ZNF726: variants seen among roughly 807,000 people sequenced by gnomAD.
ZNF726 encodes the protein zinc finger protein 92 pseudogene 3.
In ZNF726, 15 loss-of-function variants were observed where a neutral mutation model predicts 11.6. The observed-to-expected ratio is 1.29, with a 90% CI of 0.86 to 1.99. The LOEUF (loss-of-function observed/expected upper bound fraction) is 1.99. ZNF726 is among the 30% of genes most tolerant of loss of function. The pLI is 0.00. For synonymous variants in ZNF726, 295 were observed against 243.6 expected, an observed-to-expected ratio of 1.21 and a Z score of -1.96; for missense variants, 890 against 725.6, an observed-to-expected ratio of 1.23 and a Z score of -2.60.
chr19:23,932,870 A>C lies in ZNF726; in HGVS notation c.754A>C (p.Thr252Pro). The C allele has an allele frequency of 1.9e-6, 3 of 1,608,682 alleles. No homozygotes were observed. Among genetic ancestry groups the C allele is most frequent in the Non-Finnish European group, 2.5e-6 (3 of 1,177,816 alleles). ...SNYTTHKVTH[T>P]GEKPYKCEEC... is the part of the protein sequence containing the mutation. ...TTATACTACACATAAGGTAACTCAT[A>C]CTGGAGAGAAGCCTTACAAGTGTGA... The change falls in exon 4 of 4, where the codon ACT becomes CCT. Residue 252 changes from threonine (T) to proline (P), a missense_variant. Coordinates refer to ENST00000594466, the MANE Select transcript of ZNF726 (RefSeq NM_001244038.2).
rs1264390856 is a variant in ZNF726 at position 23,932,773 on chromosome 19, T to C, written c.657T>C (p.His219=). ...ATTGGTCCTCAACCCTTACTAATCA[T>C]AAGAAAACTCATACTGAAGAAAAGC... The part of the protein sequence containing the change: ...TFNWSSTLTN[H]KKTHTEEKPY... The change falls in exon 4 of 4, where the codon CAT becomes CAC. Residue 219 remains histidine (H), a synonymous_variant. Coordinates refer to ENST00000594466, the MANE Select transcript of ZNF726 (RefSeq NM_001244038.2). The C allele has an allele frequency of 6.2e-7, 1 of 1,612,406 alleles. No individual in the cohort carries two copies. Among genetic ancestry groups the C allele is most frequent in the Non-Finnish European group, 8.5e-7 (1 of 1,179,578 alleles).
At chr19:23,924,137 G>A (rs574784465) in intron 3 of ZNF726, among the ~76,000 whole-genome samples, 6 of 151,256 alleles carry the variant, frequency 4.0e-5, no homozygotes, top group African/African-American at 1.2e-4. Context: ...TCTGTCTCCC[G>A]GGTTCAAGTA....
At chr19:23,918,854 T>G (rs1599450879) in intron 1 of ZNF726, among the ~76,000 whole-genome samples, 1 of 151,988 alleles carries the variant, frequency 6.6e-6, no homozygotes, top group South Asian at 2.1e-4. Context: ...TTTGACAAAA[T>G]AGTCTTTTGG....
intron 3 of ZNF726, among the ~76,000 whole-genome samples, chr19:23,929,851 TATA>T (rs1205669689): frequency 2.0e-5 from 3 of 152,318 alleles, no homozygotes; most frequent in East Asian, 1.9e-4. Context: ...GCATCATCAT[TATA>T]ATAGTAAAAA....
At chr19:23,929,648 G>T (rs1422413387) in intron 3 of ZNF726, among the ~76,000 whole-genome samples, 1 of 152,060 alleles carries the variant, frequency 6.6e-6, no homozygotes, top group Non-Finnish European at 1.5e-5. Context: ...TTAAAAAATG[G>T]AGTTTACATG....
At chr19:23,934,489 G>A (rs1476370855), downstream of ZNF726, 5 of 380,686 alleles carry the variant, frequency 1.3e-5, no homozygotes, top group African/African-American at 8.5e-5. Flanking sequence ...AAGAATGTGG[G>A]AAATCTTTCT....
At chr19:23,929,868 CTA>C (rs1486148878) in intron 3 of ZNF726, among the ~76,000 whole-genome samples, 9 of 152,012 alleles carry the variant, frequency 5.9e-5, no homozygotes, top group Admixed American at 2.6e-4. Flanking sequence ...GTAAAAATTT[CTA>C]TATTTGTATA....
Position 23,914,956 on chromosome 19 carries a change from C to CCTCTGTGG in ZNF726, c.-37_-30dup, listed in dbSNP as rs771164494. 6.2e-7 allele frequency: 1 copy of CCTCTGTGG among 1,613,262 alleles called. No homozygotes were observed. Among genetic ancestry groups the CCTCTGTGG allele is most frequent in the Non-Finnish European group, 8.5e-7 (1 of 1,179,928 alleles). On this transcript the variant is annotated 5_prime_UTR_variant, in exon 1 of 4. Transcript: ENST00000594466. The stretch of plus-strand genomic sequence containing the variant: ...GTGTCTTCTGCTTTTAGGGGCGCAG[C>CCTCTGTGG]CTCTGTGGCCCTGTGACCTGCCCCC...
chr19:23,919,756 C>G, intron 2 of ZNF726: 4 of 468,676 alleles, frequency 8.5e-6, no homozygotes, highest in Non-Finnish European at 1.4e-5. Flanking sequence ...GTTATTCACA[C>G]CTTAAAATCC....
At chr19:23,942,749 A>C (rs1424417243) in intron 3 of ZNF726, among the ~76,000 whole-genome samples, 1 of 152,054 alleles carries the variant, frequency 6.6e-6, no homozygotes, top group East Asian at 1.9e-4. Context: ...GTTTCTTTAA[A>C]ATTTGTTTTG....
At chr19:23,936,160 T>G (rs138125225), downstream of ZNF726, 343 of 152,326 alleles carry the variant, frequency 2.3e-3, no homozygotes, top group African/African-American at 7.9e-3. Flanking sequence ...TAAAATATAT[T>G]TTTGCAGATG....
chr19:23,931,450 T>C (rs563162502), intron 3 of ZNF726, among the ~76,000 whole-genome samples: 17 of 151,802 alleles, frequency 1.1e-4, no homozygotes, highest in East Asian at 5.8e-4. Flanking sequence ...TTTTAATCAG[T>C]ATTATTCAAT....
At chr19:23,932,196 A>T in intron 3 of ZNF726, 147 bp from the exon 4 acceptor site, 1 of 522,940 alleles carries the variant, frequency 1.9e-6, no homozygotes, top group Non-Finnish European at 3.0e-6. Context: ...TTTTTGTTAC[A>T]TTTAAATGTC....
At chr19:23,917,075 C>T (rs1967719211) in intron 1 of ZNF726, among the ~76,000 whole-genome samples, 1 of 152,162 alleles carries the variant, frequency 6.6e-6, no homozygotes, top group Non-Finnish European at 1.5e-5. Flanking sequence ...TTCAGTCTCC[C>T]AAGTAGGTGG....
intron 3 of ZNF726, among the ~76,000 whole-genome samples, chr19:23,927,155 C>T (rs1284611833): frequency 6.6e-6 from 1 of 151,662 alleles, no homozygotes; most frequent in Admixed American, 6.6e-5. Flanking sequence ...TTAGTAGAGA[C>T]GGGGTTTCAC....
chr19:23,919,510 C>A lies in ZNF726; in HGVS notation c.130+11C>A. ...ACCTGGCCTTCCTGGGTGAGGATAA[C>A]TTTAATACAAAATTTTTAATATAAA... On this transcript the variant is annotated intron_variant, in intron 2 of 3. Transcript: ENST00000594466. The A allele has an allele frequency of 1.3e-6, 2 of 1,569,882 alleles. No individual in the cohort carries two copies. Among genetic ancestry groups the A allele is most frequent in the Non-Finnish European group, 1.7e-6 (2 of 1,163,978 alleles).
chr19:23,915,917 A>G (rs192162287), intron 1 of ZNF726, among the ~76,000 whole-genome samples: 15 of 152,258 alleles, frequency 9.9e-5, no homozygotes, highest in Admixed American at 2.0e-4. Context: ...TGGAAATATC[A>G]TGGTTATGTA....
downstream of ZNF726, chr19:23,936,128 T>C (rs1314328704): frequency 6.6e-6 from 1 of 152,176 alleles, no homozygotes; most frequent in Non-Finnish European, 1.5e-5. Context: ...CTACAAATTA[T>C]GAAACACCAA....
In ZNF726 at chr19:23,932,325, A is replaced by G. The variant is rs757916133; in HGVS notation, c.227-18A>G. The G allele has an allele frequency of 7.6e-7, 1 of 1,318,780 alleles. No homozygotes were observed. The highest frequency in any genetic ancestry group is 9.7e-7 in the Non-Finnish European group (1 of 1,028,762). 81.7% of individuals were successfully genotyped at this position (1,318,780 alleles called of 1,614,324 possible). ...GTCAGTATAGTAAGTGGAGTAAATT[A>G]TTTTAATTTTTTTTTAGGTATATGT... On this transcript the variant is annotated intron_variant, in intron 3 of 3. Coordinates refer to ENST00000594466, the MANE Select transcript of ZNF726 (RefSeq NM_001244038.2).
Sources: gnomAD v4.1 joint callset for allele counts (sites outside exome capture counted in the v4.1 genomes callset) on GRCh38, gnomAD v4.1.1 for gene constraint, MANE v1.5 for transcripts, NCBI Gene and HGNC (gene_info 2026-07-23, HGNC 2026-07-21) for gene names.